The following ACER1 variants were observed in gnomAD, a reference collection of about 807,000 sequenced individuals.
ACER1 encodes alkaline ceramidase 1.
ACER1 carries 28 observed loss-of-function variants against 24.9 expected under a neutral mutation model. That is an observed-to-expected ratio of 1.13 (90% confidence interval 0.83 to 1.54). The LOEUF is 1.54. ACER1 is among the 40% of genes most tolerant of loss of function. The pLI, the probability that ACER1 is intolerant of heterozygous loss-of-function variation, is 0.00. For synonymous variants in ACER1, 132 were observed against 131.4 expected (o/e 1.00, Z -0.03); for missense variants, 352 against 349.3 (o/e 1.01, Z -0.06).
chr19:6,343,979 T>C, the ACER1 span: 1 of 152,138 alleles, frequency 6.6e-6, no homozygotes, highest in Admixed American at 6.6e-5. Context: ...AGCAAAACCA[T>C]GGAACTATTC....
intron 1 of ACER1, among the ~76,000 whole-genome samples, chr19:6,331,839 A>G (rs1441230813): frequency 6.6e-6 from 1 of 152,080 alleles, no homozygotes; most frequent in Non-Finnish European, 1.5e-5. Flanking sequence ...CTATGCCTGG[A>G]TCCCATCATT....
At chr19:6,324,020 C>T (rs371212946) in intron 1 of ACER1, among the ~76,000 whole-genome samples, 2 of 152,036 alleles carry the variant, frequency 1.3e-5, no homozygotes, top group Non-Finnish European at 2.9e-5. Flanking sequence ...CACCCCCTTC[C>T]GACTCTGATC....
At chr19:6,338,185 G>T (rs1275279129), upstream of ACER1, among the ~76,000 whole-genome samples, 1 of 152,164 alleles carries the variant, frequency 6.6e-6, no homozygotes, top group African/African-American at 2.4e-5. Context: ...GGAGGGCAGT[G>T]GTAAAATCCT....
At chr19:6,359,613 A>C in the ACER1 span, among the ~76,000 whole-genome samples, 2 of 151,784 alleles carry the variant, frequency 1.3e-5, no homozygotes, top group African/African-American at 4.8e-5. Context: ...CCACCACAAC[A>C]CCTCGCCTGA....
upstream of ACER1, among the ~76,000 whole-genome samples, chr19:6,335,682 G>A (rs1169981766): frequency 6.6e-6 from 1 of 151,618 alleles, no homozygotes; most frequent in African/African-American, 2.4e-5. Flanking sequence ...TACAAAAAAG[G>A]TAGCTGGGCG....
upstream of ACER1, among the ~76,000 whole-genome samples, chr19:6,337,994 A>T (rs1395985583): frequency 1.3e-5 from 2 of 151,448 alleles, no homozygotes; most frequent in Non-Finnish European, 2.9e-5. Flanking sequence ...TTTCTTTTTA[A>T]AATAATATTT....
chr19:6,352,982 T>C, the ACER1 span, among the ~76,000 whole-genome samples: 2 of 152,182 alleles, frequency 1.3e-5, no homozygotes, highest in Admixed American at 1.3e-4. Context: ...AAATACTCAT[T>C]CATTCAGAAC....
intron 1 of ACER1, among the ~76,000 whole-genome samples, chr19:6,331,860 C>T (rs1488505493): frequency 6.6e-6 from 1 of 152,170 alleles, no homozygotes; most frequent in Non-Finnish European, 1.5e-5. Flanking sequence ...CCCAGGGCTC[C>T]AGGCAAACAC....
chr19:6,331,139 G>A (rs546031035), intron 1 of ACER1, among the ~76,000 whole-genome samples: 1 of 143,488 alleles, frequency 7.0e-6, no homozygotes, highest in African/African-American at 2.9e-5. Context: ...GTCATGCCTG[G>A]TACACAGCAA....
rs370108023 is a variant in ACER1, at chr19:6,309,624, C to T, written c.488+73G>A. The T allele has an allele frequency of 1.4e-4, 222 of 1,590,570 alleles. No individual in the cohort carries two copies. In the African/African-American group the frequency reaches 1.6e-3, roughly 12 times the overall value. On this transcript the variant is annotated intron_variant, in intron 4 of 5. Coordinates refer to ENST00000301452, the MANE Select transcript of ACER1 (RefSeq NM_133492.3). ...GATCTTGGAGAAGGGACGTCCCCTC[C>T]GCGAGCCTGGAGTCAGGGGTGCTAG...
At chr19:6,347,132 A>ATATATATATATATATATATAT in the ACER1 span, among the ~76,000 whole-genome samples, 2 of 118,196 alleles carry the variant, frequency 1.7e-5, no homozygotes, top group African/African-American at 6.9e-5. Context: ...ATATATATAT[A>ATATATATATATATATATATAT]AAATAATAAT....
the ACER1 span, among the ~76,000 whole-genome samples, chr19:6,342,817 G>A: frequency 6.6e-6 from 1 of 151,990 alleles, no homozygotes; most frequent in Non-Finnish European, 1.5e-5. Context: ...TGCTCTTGTT[G>A]CCCAGGCTGG....
chr19:6,306,479 G>T lies in ACER1; in HGVS notation c.*235C>A. 1 of 485,552 alleles carries T rather than the reference G, an allele frequency of 2.1e-6. No individual in the cohort carries two copies. The highest frequency in any genetic ancestry group is 3.2e-5 in the East Asian group (1 of 31,214). 30.1% of individuals were successfully genotyped at this position (485,552 alleles called of 1,614,324 possible). On this transcript the variant is annotated 3_prime_UTR_variant, in exon 6 of 6. Transcript: ENST00000301452. ...GAGGAAATGAAAGAGGATGGGGGGG[G>T]TCATGGAGGGGAGATGCACGAGACA...
At chr19:6,357,405 G>A in the ACER1 span, among the ~76,000 whole-genome samples, 1 of 151,724 alleles carries the variant, frequency 6.6e-6, no homozygotes, top group Non-Finnish European at 1.5e-5. Flanking sequence ...ATGTGTTTGG[G>A]GTGTGAAAAG....
chr19:6,328,050 TG>T, intron 1 of ACER1, among the ~76,000 whole-genome samples: 1 of 149,252 alleles, frequency 6.7e-6, no homozygotes, highest in Non-Finnish European at 1.5e-5. Flanking sequence ...CACTCCAGCC[TG>T]GGCGACAGAG....
At chr19:6,312,587 A>G (rs2091587561) in intron 1 of ACER1, 88 bp from the exon 2 acceptor site, 2 of 1,021,724 alleles carry the variant, frequency 2.0e-6, no homozygotes, top group Non-Finnish European at 1.5e-6. Flanking sequence ...GTCACCAGCC[A>G]GTCGGTTACC....
At chr19:6,357,110 T>C in the ACER1 span, among the ~76,000 whole-genome samples, 1,443 of 148,614 alleles carry the variant, frequency 9.7e-3, 14 homozygotes, top group Non-Finnish European at 0.013. Flanking sequence ...AATGGTGTAA[T>C]CTTGGCTCAC....
chr19:6,313,851 C>G (rs1267521829), intron 1 of ACER1, among the ~76,000 whole-genome samples: 1 of 152,198 alleles, frequency 6.6e-6, no homozygotes, highest in East Asian at 1.9e-4. Flanking sequence ...ACTGGCTACC[C>G]TTGAAGCCAC....
At chr19:6,338,561 CAGGT>C (rs1346888713), upstream of ACER1, among the ~76,000 whole-genome samples, 2 of 152,080 alleles carry the variant, frequency 1.3e-5, no homozygotes, top group Non-Finnish European at 2.9e-5. Flanking sequence ...ATTATTATTG[CAGGT>C]TCCTGCAAGT....
Sources: allele counts gnomAD v4.1 joint callset (sites outside exome capture counted in the v4.1 genomes callset), GRCh38; gene constraint gnomAD v4.1.1; transcripts MANE v1.5; gene names NCBI Gene and HGNC (gene_info 2026-07-23, HGNC 2026-07-21).